Variants in SCEL observed in about 807,000 individuals in gnomAD.
The protein encoded by SCEL is sciellin.
A neutral mutation model predicts 117.6 loss-of-function variants in SCEL; 113 were observed. The ratio of observed to expected loss-of-function variants is 0.96; its 90% CI spans 0.83 to 1.12. SCEL has a LOEUF of 1.12. SCEL is among the 50% of genes most tolerant of loss of function. The probability of loss-of-function intolerance (pLI) is 0.00; values close to 1 mark genes in which losing one functional copy is unlikely to be tolerated. For synonymous variants in SCEL, 270 were observed against 256.2 expected (o/e 1.05, Z -0.51); for missense variants, 785 against 810.8 (o/e 0.97, Z 0.39).
At chr13:77,628,910 G>T (rs1315033613) in intron 28 of SCEL, among the ~76,000 whole-genome samples, 1 of 152,040 alleles carries the variant, frequency 6.6e-6, no homozygotes. Context: ...GAGAGAATGA[G>T]GGAGGATAAA....
At chr13:77,587,994 A>C (rs2086658350) in intron 9 of SCEL, among the ~76,000 whole-genome samples, 1 of 152,184 alleles carries the variant, frequency 6.6e-6, no homozygotes, top group South Asian at 2.1e-4. Context: ...TTCACCTGAC[A>C]GAGAGACCTT....
intron 24 of SCEL, among the ~76,000 whole-genome samples, chr13:77,615,621 T>C (rs1375150024): frequency 6.6e-6 from 1 of 152,062 alleles, no homozygotes; most frequent in Non-Finnish European, 1.5e-5. Context: ...AAACAGTAAC[T>C]TGAGAGAAAA....
chr13:77,643,059 T>G (rs2090635367), intron 32 of SCEL, among the ~76,000 whole-genome samples: 1 of 152,140 alleles, frequency 6.6e-6, no homozygotes, highest in South Asian at 2.1e-4. Context: ...TTTAGAAAAT[T>G]TTCCGTTTTT....
chr13:77,573,659 ATCTATCTATCTATCTATCTATCTG>A (rs1167087141), intron 9 of SCEL, among the ~76,000 whole-genome samples: 5 of 151,936 alleles, frequency 3.3e-5, no homozygotes, highest in Admixed American at 6.6e-5. Flanking sequence ...CTATCTATCT[ATCTATCTATCTATCTATCTATCTG>A]TCTATCTATC....
intron 9 of SCEL, among the ~76,000 whole-genome samples, chr13:77,573,774 G>A (rs553336357): frequency 2.9e-4 from 44 of 152,016 alleles, no homozygotes; most frequent in South Asian, 6.2e-4. Flanking sequence ...TCACAACTTG[G>A]AATCACATTT....
At chr13:77,602,500 TA>T in intron 16 of SCEL, 153 bp from the exon 17 acceptor site, 1 of 641,918 alleles carries the variant, frequency 1.6e-6, no homozygotes, top group Non-Finnish European at 2.8e-6. Context: ...TGGAAATTAC[TA>T]AAGGTAAGTT....
intron 23 of SCEL, 48 bp from the exon 24 acceptor site, chr13:77,613,845 A>C (rs1567420059): frequency 6.7e-7 from 1 of 1,482,130 alleles, no homozygotes; most frequent in Non-Finnish European, 9.4e-7. Flanking sequence ...CAAAACAAAA[A>C]AGAAATGCCA....
At chr13:77,577,807 G>A (rs1309129152) in intron 9 of SCEL, among the ~76,000 whole-genome samples, 3 of 152,090 alleles carry the variant, frequency 2.0e-5, no homozygotes, top group African/African-American at 7.2e-5. Flanking sequence ...CCTATTATTG[G>A]GCGTTTCTTG....
At chr13:77,560,001 G>GA in intron 4 of SCEL, 138 bp downstream of exon 4, 1 of 749,980 alleles carries the variant, frequency 1.3e-6, no homozygotes, top group Non-Finnish European at 2.3e-6. Flanking sequence ...AGGAGAATCT[G>GA]TGATATCATC....
At chr13:77,554,770 T>C (rs941760416) in intron 1 of SCEL, among the ~76,000 whole-genome samples, 4 of 152,184 alleles carry the variant, frequency 2.6e-5, no homozygotes, top group African/African-American at 4.8e-5. Flanking sequence ...GTGATAAAGA[T>C]GGACCTAAAA....
Position 77,644,421 on chromosome 13 carries a change from T to C in SCEL, c.*147T>C. The C allele has an allele frequency of 1.3e-6, 1 of 757,226 alleles. No homozygotes were observed. Among genetic ancestry groups the C allele is most frequent in the Non-Finnish European group, 2.1e-6 (1 of 466,638 alleles). The allele number at this position is 757,226 out of a possible 1,614,324, so 46.9% of individuals were successfully genotyped here. Reference sequence around the variant, plus strand: ...AACAATTCTGTTATTGCATAAGTAATCTAATTGTCTTCAATAAGGTCACAC... The same window carrying C: ...AACAATTCTGTTATTGCATAAGTAACCTAATTGTCTTCAATAAGGTCACAC... On this transcript the variant is annotated 3_prime_UTR_variant, in exon 33 of 33. Coordinates refer to ENST00000349847, the MANE Select transcript of SCEL (RefSeq NM_144777.3).
Position 77,603,090 on chromosome 13 carries a change from A to T in SCEL, c.1052A>T (p.Asp351Val). ...NKTSRRSEDL[D>V]NATEVNPKGH... is the part of the protein sequence containing the mutation. Reference sequence around the variant, plus strand: ...TTTTTTTAAAGAAGTGAAGACCTTGATAATGCTACTGAAGTAAATCCCAAA... The same window carrying T: ...TTTTTTTAAAGAAGTGAAGACCTTGTTAATGCTACTGAAGTAAATCCCAAA... The change falls in exon 18 of 33, where the codon GAT (aspartate) becomes GTT (valine). Residue 351 changes from aspartate to valine, a missense_variant. Asp to Val is a radical substitution (Grantham distance 152, BLOSUM62 -3). Coordinates refer to ENST00000349847, the MANE Select transcript of SCEL (RefSeq NM_144777.3). 6.4e-7 allele frequency: 1 copy of T among 1,559,206 alleles called. No homozygotes were observed. Among genetic ancestry groups the T allele is most frequent in the Non-Finnish European group, 8.7e-7 (1 of 1,152,184 alleles).
At chr13:77,618,431 C>G (rs1184941860) in intron 27 of SCEL, among the ~76,000 whole-genome samples, 1 of 152,164 alleles carries the variant, frequency 6.6e-6, no homozygotes, top group Non-Finnish European at 1.5e-5. Context: ...GTCCTCCTGC[C>G]TCAGCCTCCT....
chr13:77,622,708 A>C (rs1245760380), intron 27 of SCEL, among the ~76,000 whole-genome samples: 1 of 152,090 alleles, frequency 6.6e-6, no homozygotes, highest in Non-Finnish European at 1.5e-5. Flanking sequence ...CAAAAATTAA[A>C]AAATTTAGCT....
intron 27 of SCEL, among the ~76,000 whole-genome samples, chr13:77,625,101 C>A (rs1879351044): frequency 6.6e-6 from 1 of 152,126 alleles, no homozygotes; most frequent in Non-Finnish European, 1.5e-5. Context: ...GTTCTAATTG[C>A]CCAAGAGTCA....
Position 77,644,676 on chromosome 13 carries a change from G to GAAGC in SCEL, c.*406_*409dup, listed in dbSNP as rs1305419257. The GAAGC allele has an allele frequency of 6.3e-6, 1 of 158,986 alleles. No homozygotes were observed. Among genetic ancestry groups the GAAGC allele is most frequent in the African/African-American group, 2.4e-5 (1 of 41,566 alleles). 9.8% of individuals were successfully genotyped at this position (158,986 alleles called of 1,614,324 possible). A position where few individuals can be genotyped will look rare whatever the true frequency, so the allele number is the denominator to read the frequency against. ...ATTGACATCCCGAAGAACTGTCAAGGAAGCAAGATATGCTTTCTTCATCTG... is the reference window on the plus strand; with the variant it reads ...ATTGACATCCCGAAGAACTGTCAAGGAAGCAAGCAAGATATGCTTTCTTCATCTG... On this transcript the variant is annotated 3_prime_UTR_variant, in exon 33 of 33. Transcript: ENST00000349847.
intron 9 of SCEL, among the ~76,000 whole-genome samples, chr13:77,582,080 A>G (rs1371859760): frequency 6.6e-6 from 1 of 152,140 alleles, no homozygotes; most frequent in Non-Finnish European, 1.5e-5. Context: ...TCTTCATACT[A>G]GGCAGCCCAT....
chr13:77,582,103 ATC>A (rs2086293930), intron 9 of SCEL, among the ~76,000 whole-genome samples: 1 of 152,132 alleles, frequency 6.6e-6, no homozygotes, highest in African/African-American at 2.4e-5. Context: ...TTGTCCTCTC[ATC>A]TCTCTGTCTC....
chr13:77,547,157 T>C (rs1389808609), intron 1 of SCEL, among the ~76,000 whole-genome samples: 1 of 152,154 alleles, frequency 6.6e-6, no homozygotes, highest in African/African-American at 2.4e-5. Flanking sequence ...CCTTTCCTTA[T>C]TGTCCTCTCC....
Sources: gnomAD v4.1 joint callset for allele counts (sites outside exome capture counted in the v4.1 genomes callset) on GRCh38, gnomAD v4.1.1 for gene constraint, MANE v1.5 for transcripts, NCBI Gene and HGNC (gene_info 2026-07-23, HGNC 2026-07-21) for gene names.